TCHP: variants seen among roughly 807,000 people sequenced by gnomAD.
TCHP encodes the protein trichoplein keratin filament binding.
Under a neutral mutation model 88.7 loss-of-function variants are expected in TCHP, and 81 were observed. The ratio of observed to expected loss-of-function variants is 0.91; its 90% confidence interval spans 0.76 to 1.10. The LOEUF is 1.10. TCHP is among the 50% of genes least tolerant of loss of function. The probability of loss-of-function intolerance (pLI) is 0.00; values close to 1 mark genes in which losing one functional copy is unlikely to be tolerated. For missense variants in TCHP, 641 were observed against 632.1 expected, an observed-to-expected ratio of 1.01 and a Z score of -0.15; for synonymous variants, 232 against 232.5, an observed-to-expected ratio of 1.00 and a Z score of 0.02.
the TCHP span, chr12:109,880,786 G>C: frequency 6.6e-6 from 1 of 152,408 alleles, no homozygotes. The surrounding 1 kb of genome is among the most constrained non-coding windows in gnomAD (Gnocchi z 5.1). Flanking sequence ...CAATCCGGGC[G>C]GGCCGACTCG....
At chr12:109,885,694 GA>G in the TCHP span, among the ~76,000 whole-genome samples, 2 of 151,736 alleles carry the variant, frequency 1.3e-5, no homozygotes, top group East Asian at 3.9e-4. Context: ...TGTTAGCCAG[GA>G]TGGTCTTGAT....
Position 109,903,199 on chromosome 12 carries a change from C to T in TCHP, c.173C>T (p.Thr58Ile), listed in dbSNP as rs966925439. The change falls in exon 2 of 13, where the codon ACC becomes ATC. Residue 58 changes from threonine to isoleucine, a missense_variant. Coordinates refer to ENST00000405876, the MANE Select transcript of TCHP (RefSeq NM_001143852.2). This position sits in a 1 kb window ranked among gnomAD's most constrained non-coding sequence, Gnocchi z 4.6. ...AAACAGGCAGAATGGAGCTCTAAAA[C>T]CTCCTACCAGCGGAGGTAATTGTGC... is the stretch of plus-strand genomic sequence containing the variant. Reference protein sequence around the residue: ...SSKQAEWSSKTSYQRSMHAYQ... With the variant: ...SSKQAEWSSKISYQRSMHAYQ... The T allele has an allele frequency of 1.2e-5, 20 of 1,611,704 alleles. No homozygotes were observed. The highest frequency in any genetic ancestry group is 1.7e-5 in the Non-Finnish European group (20 of 1,178,414).
upstream of TCHP, among the ~76,000 whole-genome samples, chr12:109,897,379 G>A (rs1019713553): frequency 2.0e-5 from 3 of 152,226 alleles, no homozygotes; most frequent in Non-Finnish European, 4.4e-5. Context: ...GTTGCCCTCC[G>A]GCATGCTGGT....
At chr12:109,885,053 C>A in the TCHP span, among the ~76,000 whole-genome samples, 1 of 152,212 alleles carries the variant, frequency 6.6e-6, no homozygotes, top group African/African-American at 2.4e-5. Context: ...ACTGCAACCT[C>A]CGCCTCCTGG....
chr12:109,916,200 T>A (rs1870809402), intron 12 of TCHP, among the ~76,000 whole-genome samples: 1 of 152,220 alleles, frequency 6.6e-6, no homozygotes, highest in Non-Finnish European at 1.5e-5. Flanking sequence ...TGCTGCAGAA[T>A]GAGGGCTGGC....
the TCHP span, among the ~76,000 whole-genome samples, chr12:109,893,367 T>G: frequency 2.2e-5 from 3 of 135,946 alleles, no homozygotes; most frequent in African/African-American, 8.7e-5. Flanking sequence ...GCAACAAGAG[T>G]GAAACTCCTT....
intron 10 of TCHP, among the ~76,000 whole-genome samples, chr12:109,913,295 G>A (rs1057381472): frequency 6.6e-6 from 1 of 152,370 alleles, no homozygotes; most frequent in Admixed American, 6.5e-5. Flanking sequence ...CATCCTGTAT[G>A]CAGCCGTAGC....
At chr12:109,889,906 A>G in the TCHP span, among the ~76,000 whole-genome samples, 1 of 152,072 alleles carries the variant, frequency 6.6e-6, no homozygotes, top group Non-Finnish European at 1.5e-5. Flanking sequence ...CACCATGCCA[A>G]TTCTCCTTGC....
chr12:109,913,574 C>T (rs559149823), intron 10 of TCHP, among the ~76,000 whole-genome samples: 2 of 152,322 alleles, frequency 1.3e-5, no homozygotes, highest in South Asian at 2.1e-4. Flanking sequence ...ACACGTTTCC[C>T]CCCTCGGGGT....
At chr12:109,900,247 AAGG>A (rs1334937349), upstream of TCHP, 3 of 151,596 alleles carry the variant, frequency 2.0e-5, no homozygotes, top group Non-Finnish European at 2.9e-5. Context: ...CTACGCGCTG[AAGG>A]AGGCTTGGCC....
At chr12:109,902,220 G>C (rs1869839255) in intron 1 of TCHP, among the ~76,000 whole-genome samples, 1 of 152,150 alleles carries the variant, frequency 6.6e-6, no homozygotes. Flanking sequence ...CACCCAGGCT[G>C]AGTGCAGTGG....
At chr12:109,896,945 TATAG>T (rs1023522979), upstream of TCHP, among the ~76,000 whole-genome samples, 21 of 151,886 alleles carry the variant, frequency 1.4e-4, no homozygotes, top group Admixed American at 7.2e-4. Flanking sequence ...GATATAGATA[TATAG>T]ATAGATAGAT....
upstream of TCHP, among the ~76,000 whole-genome samples, chr12:109,898,708 G>C (rs1158026962): frequency 6.6e-6 from 1 of 152,104 alleles, no homozygotes; most frequent in East Asian, 1.9e-4. Flanking sequence ...GCTCACTGCA[G>C]CCTCCTTGTC....
chr12:109,913,135 T>A (rs1018079993), intron 10 of TCHP, 63 bp downstream of exon 10: 19 of 1,489,066 alleles, frequency 1.3e-5, no homozygotes, highest in African/African-American at 2.8e-5. Context: ...TGGAAGTCCA[T>A]GGTCAGTCAC....
the TCHP span, among the ~76,000 whole-genome samples, chr12:109,880,925 T>G: frequency 6.6e-6 from 1 of 152,086 alleles, no homozygotes; most frequent in Non-Finnish European, 1.5e-5. This position sits in a 1 kb window ranked among gnomAD's most constrained non-coding sequence, Gnocchi z 5.1. Flanking sequence ...TGGACACTGC[T>G]CTCCTGTTGG....
the TCHP span, among the ~76,000 whole-genome samples, chr12:109,884,671 G>A: frequency 6.6e-6 from 1 of 152,078 alleles, no homozygotes; most frequent in African/African-American, 2.4e-5. Flanking sequence ...AATTTGTTAA[G>A]AACAAGATGT....
intron 8 of TCHP, 143 bp from the exon 9 acceptor site, chr12:109,910,920 T>A: frequency 7.9e-7 from 1 of 1,258,852 alleles, no homozygotes; most frequent in Non-Finnish European, 1.0e-6. Context: ...TAATCCAGGA[T>A]CTTCCCATCT....
chr12:109,914,468 A>G lies in TCHP; in HGVS notation c.1161A>G (p.Ile387Met). ...SEVLTGRQQQ[I>M]QEKIEQNRRA... ...TTCTGACAGGGAGACAACAGCAAAT[A>G]CAAGAGAAGATTGAGCAGAACCGAC... Residue 387 changes from isoleucine to methionine, a missense_variant, in exon 11 of 13, where the codon ATA becomes ATG. Transcript: ENST00000405876. 1 of 1,613,832 alleles carries G rather than the reference A, an allele frequency of 6.2e-7. No individual in the cohort carries two copies. Among genetic ancestry groups the G allele is most frequent in the Non-Finnish European group, 8.5e-7 (1 of 1,179,818 alleles).
In TCHP at chr12:109,907,604, A is replaced by G. The variant is rs1279100017; in HGVS notation, c.604A>G (p.Met202Val). ...ERARREALER[M>V]KAEEERRQLE... ...GGCCCGAAGGGAGGCGCTAGAAAGG[A>G]TGAAAGCTGAAGAGGAGAGGAGGCA... Residue 202 changes from methionine (M) to valine (V), a missense_variant, in exon 6 of 13, where the codon ATG becomes GTG. Coordinates refer to ENST00000405876, the MANE Select transcript of TCHP (RefSeq NM_001143852.2). 1.9e-6 allele frequency: 3 copies of G among 1,614,232 alleles called. No homozygotes were observed. Among genetic ancestry groups the G allele is most frequent in the Middle Eastern group, 1.7e-4 (1 of 6,060 alleles).
Sources: gnomAD v4.1 joint callset for allele counts (sites outside exome capture counted in the v4.1 genomes callset) on GRCh38, gnomAD v4.1.1 for gene constraint, Gnocchi (gnomAD v3.1) non-coding constraint, MANE v1.5 for transcripts, NCBI Gene and HGNC (gene_info 2026-07-23, HGNC 2026-07-21) for gene names.